The following UBE3C variants were observed in gnomAD, a reference collection of about 807,000 sequenced individuals.
The protein encoded by UBE3C is ubiquitin protein ligase E3C.
A neutral mutation model predicts 129.4 loss-of-function variants in UBE3C; 42 were observed. The observed-to-expected ratio is 0.32, with a 90% CI of 0.25 to 0.42. The LOEUF is 0.42. Ranked by LOEUF, UBE3C falls within the 10% of genes least tolerant of loss-of-function variation. The pLI, the probability that UBE3C is intolerant of heterozygous loss-of-function variation, is 1.00. For synonymous variants in UBE3C, 510 were observed against 492.4 expected, an observed-to-expected ratio of 1.04 and a Z score of -0.47; for missense variants, 1,049 against 1,319.1, an observed-to-expected ratio of 0.80 and a Z score of 3.17.
intron 1 of UBE3C, among the ~76,000 whole-genome samples, chr7:157,162,028 A>C (rs1586653463): frequency 6.6e-6 from 1 of 151,854 alleles, no homozygotes. Context: ...CAAGATCGCC[A>C]CTACACTCCA....
intron 6 of UBE3C, 78 bp downstream of exon 6, chr7:157,178,925 C>T: frequency 6.5e-6 from 10 of 1,531,716 alleles, no homozygotes; most frequent in Non-Finnish European, 8.0e-6. Context: ...CTGCTGTGAG[C>T]CTGTGCCCTC....
intron 19 of UBE3C, among the ~76,000 whole-genome samples, chr7:157,251,947 A>C (rs1796630004): frequency 6.6e-6 from 1 of 152,152 alleles, no homozygotes; most frequent in East Asian, 1.9e-4. Flanking sequence ...CAGCCTGGCC[A>C]ACATGGTGAA....
At chr7:157,183,495 C>T (rs574640658) in intron 8 of UBE3C, among the ~76,000 whole-genome samples, 12 of 152,276 alleles carry the variant, frequency 7.9e-5, no homozygotes, top group African/African-American at 2.6e-4. Context: ...TCTCCAGTGT[C>T]CCTCCCACAG....
At chr7:157,227,699 A>G (rs913649285) in intron 17 of UBE3C, among the ~76,000 whole-genome samples, 1 of 152,154 alleles carries the variant, frequency 6.6e-6, no homozygotes, top group South Asian at 2.1e-4. Flanking sequence ...ACTTCATCTC[A>G]GAAAAAAAAA....
intron 21 of UBE3C, among the ~76,000 whole-genome samples, chr7:157,255,303 T>G (rs1796723872): frequency 6.6e-6 from 1 of 152,226 alleles, no homozygotes; most frequent in Non-Finnish European, 1.5e-5. Flanking sequence ...CCACTAGCTG[T>G]CTACTGGTGC....
At chr7:157,254,942 C>A (rs1449065085) in intron 21 of UBE3C, among the ~76,000 whole-genome samples, 1 of 85,904 alleles carries the variant, frequency 1.2e-5, no homozygotes, top group Non-Finnish European at 2.2e-5. Context: ...ACCTGCAGTC[C>A]CGGCGTGGTG....
chr7:157,197,946 C>G (rs1323962602), intron 10 of UBE3C: 23 of 1,608,498 alleles, frequency 1.4e-5, no homozygotes, highest in Non-Finnish European at 1.8e-5. Flanking sequence ...TTGCCCTTCT[C>G]CACTAAAAGC....
At chr7:157,239,180 G>A (rs541609178) in intron 18 of UBE3C, among the ~76,000 whole-genome samples, 2 of 152,284 alleles carry the variant, frequency 1.3e-5, no homozygotes, top group East Asian at 3.9e-4. Context: ...ACACTGTATA[G>A]CCCCTAAACT....
At chr7:157,211,044 T>A (rs1373393775) in intron 13 of UBE3C, among the ~76,000 whole-genome samples, 2 of 152,210 alleles carry the variant, frequency 1.3e-5, no homozygotes, top group Non-Finnish European at 2.9e-5. Flanking sequence ...TAGGAAATCC[T>A]GTTTTGAGAT....
Position 157,151,709 on chromosome 7 carries a change from T to G in UBE3C, c.67-12101T>G, listed in dbSNP as rs1807761305. Among the ~76,000 whole-genome samples the G allele has an allele frequency of 2.0e-5, 3 of 152,188 alleles. No homozygotes were observed. The South Asian group carries it at 6.2e-4, about 31-fold the overall frequency. On this transcript the variant is annotated intron_variant, in intron 1 of 22. Transcript: ENST00000348165. ...TGCAAATTCACTGATTTAGATCATT[T>G]AGCTTTTTAATCCATTTGCCCTTGG...
chr7:157,183,557 A>C (rs1168138065), intron 8 of UBE3C, among the ~76,000 whole-genome samples: 1 of 152,074 alleles, frequency 6.6e-6, no homozygotes, highest in African/African-American at 2.4e-5. Context: ...CCCTCTGATC[A>C]CTTGGTTTTT....
chr7:157,229,087 G>A (rs943662693), intron 17 of UBE3C, among the ~76,000 whole-genome samples: 2 of 152,154 alleles, frequency 1.3e-5, no homozygotes, highest in Non-Finnish European at 2.9e-5. Flanking sequence ...TGAAAGTGTC[G>A]AATGTACACT....
rs182516831 is a variant in UBE3C, at chr7:157,179,188, C to T, written c.616+341C>T. Among the ~76,000 whole-genome samples, 3 of 152,016 alleles carry T rather than the reference C, an allele frequency of 2.0e-5. No individual in the cohort carries two copies. The East Asian group carries it at 5.8e-4, about 30-fold the overall frequency. ...CGGTCCTTCACCTGACCAGGAAGGG[C>T]TCTTACCACCTCCTGGTCATTCTGA... is the stretch of plus-strand genomic sequence containing the variant. On this transcript the variant is annotated intron_variant, in intron 6 of 22. Transcript: ENST00000348165.
chr7:157,212,612 T>C (rs1052915606), intron 13 of UBE3C, among the ~76,000 whole-genome samples: 3 of 152,222 alleles, frequency 2.0e-5, no homozygotes, highest in Admixed American at 2.0e-4. Flanking sequence ...GTGATTTTTA[T>C]AAGGAGTTGG....
intron 10 of UBE3C, among the ~76,000 whole-genome samples, chr7:157,190,395 G>A (rs1399216750): frequency 4.6e-5 from 7 of 152,130 alleles, no homozygotes; most frequent in African/African-American, 1.7e-4. Flanking sequence ...TGAAACTGCA[G>A]TGTCCTGCAT....
chr7:157,141,274 C>G (rs1807440333), intron 1 of UBE3C, among the ~76,000 whole-genome samples: 3 of 152,158 alleles, frequency 2.0e-5, no homozygotes, highest in Non-Finnish European at 4.4e-5. Flanking sequence ...CATATGGACA[C>G]TCTCCTGTAG....
At chr7:157,141,736 G>A (rs1056389081) in intron 1 of UBE3C, among the ~76,000 whole-genome samples, 6 of 152,174 alleles carry the variant, frequency 3.9e-5, no homozygotes, top group East Asian at 1.9e-4. Context: ...GTAGATGAGC[G>A]TTACCTGTTG....
chr7:157,140,542 G>A (rs1807414759), intron 1 of UBE3C, among the ~76,000 whole-genome samples: 1 of 152,188 alleles, frequency 6.6e-6, no homozygotes, highest in Admixed American at 6.5e-5. Flanking sequence ...GAGATCAAAG[G>A]ATTTCTACAG....
intron 1 of UBE3C, among the ~76,000 whole-genome samples, chr7:157,159,022 A>G (rs1013849885): frequency 2.0e-5 from 3 of 152,194 alleles, no homozygotes; most frequent in Non-Finnish European, 4.4e-5. Flanking sequence ...TAGAGTGTGA[A>G]ATAATCACTC....
Sources: allele counts gnomAD v4.1 joint callset (sites outside exome capture counted in the v4.1 genomes callset), GRCh38; gene constraint gnomAD v4.1.1; transcripts MANE v1.5; gene names NCBI Gene and HGNC (gene_info 2026-07-23, HGNC 2026-07-21).